Variants in SALL1 observed in about 807,000 individuals in gnomAD.
SALL1 encodes spalt like transcription factor 1.
SALL1 carries 10 observed loss-of-function variants against 73.1 expected under a neutral mutation model. The ratio of observed to expected loss-of-function variants is 0.14; its 90% CI spans 0.08 to 0.23. The LOEUF (loss-of-function observed/expected upper bound fraction) is 0.23. SALL1 is among the 10% of genes least tolerant of loss of function. The pLI, the probability that SALL1 is intolerant of heterozygous loss-of-function variation, is 1.00. For missense variants in SALL1, 1,520 were observed against 1,697.3 expected (o/e 0.90, Z 1.84); for synonymous variants, 688 against 689.8 (o/e 1.00, Z 0.04).
intron 2 of SALL1, among the ~76,000 whole-genome samples, chr16:51,138,101 C>A (rs552605836): frequency 7.6e-4 from 116 of 152,310 alleles, no homozygotes; most frequent in Non-Finnish European, 1.3e-3. Context: ...GAAAAATGTA[C>A]ACACTAAGAG....
intron 1 of SALL1, chr16:51,150,628 G>A: frequency 1.0e-6 from 1 of 963,630 alleles, no homozygotes; most frequent in East Asian, 1.1e-4. Context: ...GGCCGAGGGG[G>A]AGTGTGCGTG....
Position 51,137,118 on chromosome 16 carries a change from C to A in SALL1, c.3969G>T (p.Thr1323=), listed in dbSNP as rs1354509765. 1.2e-5 allele frequency: 19 copies of A among 1,614,156 alleles called. No homozygotes were observed. Among genetic ancestry groups the A allele is most frequent in the Non-Finnish European group, 1.6e-5 (19 of 1,180,028 alleles). Residue 1323 remains threonine, a synonymous_variant, in exon 3 of 3, where the codon ACG becomes ACT. Coordinates refer to ENST00000251020, the MANE Select transcript of SALL1 (RefSeq NM_002968.3). ...GTCTCCAGCCCGAGCTGCTTTAACT[C>A]GTGACGATCTCCTTGCTGTCCTCCA... The part of the protein sequence containing the change: ...RFVEDSKEIV[T]S
In SALL1 at chr16:51,140,718, T is replaced by C; in HGVS notation, c.1504A>G (p.Lys502Glu). ...GGGTTCATCTGGATATGAGGGTATT[T>C]CTCTTTGTGGCGCTGAAAGTGGACT... ...LKVHFQRHKE[K>E]YPHIQMNPYP... Residue 502 changes from lysine (K) to glutamate (E), a missense_variant, in exon 2 of 3, where the codon AAA becomes GAA. Lys to Glu is a moderately conservative substitution (Grantham distance 56). Transcript: ENST00000251020. This position sits in a 1 kb window ranked among gnomAD's most constrained non-coding sequence, Gnocchi z 5.7. The C allele has an allele frequency of 6.2e-7, 1 of 1,614,104 alleles. No individual in the cohort carries two copies. Among genetic ancestry groups the C allele is most frequent in the Non-Finnish European group, 8.5e-7 (1 of 1,180,020 alleles).
intron 1 of SALL1, among the ~76,000 whole-genome samples, chr16:51,144,212 A>G (rs992100828): frequency 6.6e-6 from 1 of 152,218 alleles, no homozygotes; most frequent in Non-Finnish European, 1.5e-5. Flanking sequence ...AATTCCTAAT[A>G]TATTCAACAG....
chr16:51,145,217 T>TACACAC lies in SALL1; in HGVS notation c.77-3078_77-3073dup, dbSNP rs3037183. On this transcript the variant is annotated intron_variant, in intron 1 of 2. Coordinates refer to ENST00000251020, the MANE Select transcript of SALL1 (RefSeq NM_002968.3). ...ACACATTCTCTCTCTCACACACACA[T>TACACAC]ACACACACACACACACACACACACA... Among the ~76,000 whole-genome samples, 68 of 149,970 alleles carry TACACAC rather than the reference T, an allele frequency of 4.5e-4. 1 individual carries two copies. Among genetic ancestry groups the TACACAC allele is most frequent in the African/African-American group, 6.8e-4 (28 of 40,924 alleles).
Position 51,140,919 on chromosome 16 carries a change from C to G in SALL1, c.1303G>C (p.Ala435Pro). The G allele has an allele frequency of 6.2e-7, 1 of 1,614,220 alleles. No homozygotes were observed. The highest frequency in any genetic ancestry group is 8.5e-7 in the Non-Finnish European group (1 of 1,180,048). Residue 435 changes from alanine (A) to proline (P), a missense_variant, in exon 2 of 3, where the codon GCC (alanine) becomes CCC (proline). By Grantham distance (27) the Ala-to-Pro change is conservative. Coordinates refer to ENST00000251020, the MANE Select transcript of SALL1 (RefSeq NM_002968.3). This position sits in a 1 kb window ranked among gnomAD's most constrained non-coding sequence, Gnocchi z 5.7. ...TCGGAAGTACTTTTCGCTTCAAAGG[C>G]AGTGACATTTGGTGGCTTGCTTTTT... ...QRKSKPPNVT[A>P]FEAKSTSDEA...
rs776395704 is a variant in SALL1, at chr16:51,141,780, C to A, written c.442G>T (p.Ala148Ser). Reference protein sequence around the residue: ...GTSSGSHSSTAPSSSSSSSSS... With the variant: ...GTSSGSHSSTSPSSSSSSSSS... ...CTGCTGCTGCTGCTGCTGCTTGGGG[C>A]GGTACTGCTGTGGCTGCCGCTGGAA... The change falls in exon 2 of 3, where the codon GCC becomes TCC. Residue 148 changes from alanine to serine, a missense_variant. Physicochemically the swap from Ala to Ser is moderately conservative, Grantham distance 99. Around this residue, in one of 7 missense-constraint regions of SALL1, gnomAD observed 540 missense variants for 567.5 expected, o/e 0.95. Coordinates refer to ENST00000251020, the MANE Select transcript of SALL1 (RefSeq NM_002968.3). The surrounding 1 kb of genome is among the most constrained non-coding windows in gnomAD (Gnocchi z 5.4). 1.2e-6 allele frequency: 2 copies of A among 1,609,318 alleles called. No individual in the cohort carries two copies. Among genetic ancestry groups the A allele is most frequent in the Admixed American group, 1.7e-5 (1 of 59,884 alleles).
At chr16:51,143,179 T>C (rs963462271) in intron 1 of SALL1, 2 of 183,302 alleles carry the variant, frequency 1.1e-5, no homozygotes, top group Non-Finnish European at 2.4e-5. Flanking sequence ...CTGTTATCAA[T>C]CGTTTAACAG....
At chr16:51,150,293 C>A in intron 1 of SALL1, 1 of 683,812 alleles carries the variant, frequency 1.5e-6, no homozygotes, top group Non-Finnish European at 1.8e-6. Flanking sequence ...GGCTGGCCAC[C>A]CGCAAACCTG....
chr16:51,150,952 T>A lies in SALL1; in HGVS notation c.76+214A>T. The A allele has an allele frequency of 7.3e-6, 3 of 412,358 alleles. No homozygotes were observed. The East Asian group carries it at 1.1e-4, about 15-fold the overall frequency. The allele number at this position is 412,358 out of a possible 1,614,324, so 25.5% of individuals were successfully genotyped here. A position where few individuals can be genotyped will look rare whatever the true frequency, so the allele number is the denominator to read the frequency against. On this transcript the variant is annotated intron_variant, in intron 1 of 2. Transcript: ENST00000251020. ...ACTCCGGAAAGATCCTGCCGGGAGA[T>A]GTGCTCGCTTTCCCCGGGGCAGCGG...
chr16:51,150,578 G>A (rs1962582980), intron 1 of SALL1: 1 of 985,996 alleles, frequency 1.0e-6, no homozygotes, highest in Non-Finnish European at 1.2e-6. Flanking sequence ...CCATCTTCTT[G>A]CAGCTCTGAA....
rs562199973 is a variant in SALL1 at position 51,136,063 on chromosome 16, T to C, written c.*1049A>G. ...ATCTCTGTTGTTAGTAAGTATTAAATGTTAAAGAAATTGGACCCCCCCTTT... is the reference window on the plus strand; with the variant it reads ...ATCTCTGTTGTTAGTAAGTATTAAACGTTAAAGAAATTGGACCCCCCCTTT... On this transcript the variant is annotated 3_prime_UTR_variant, in exon 3 of 3. Transcript: ENST00000251020. 1.3e-5 allele frequency: 2 copies of C among 152,782 alleles called. No homozygotes were observed. The highest frequency in any genetic ancestry group is 4.1e-4 in the South Asian group (2 of 4,824). 9.5% of individuals were successfully genotyped at this position (152,782 alleles called of 1,614,324 possible). A position where few individuals can be genotyped will look rare whatever the true frequency, so the allele number is the denominator to read the frequency against.
Position 51,141,231 on chromosome 16 carries a change from T to A in SALL1, c.991A>T (p.Ile331Phe), listed in dbSNP as rs775748701. ...GGAGAAGAGCCGCTGTTGGATGGAA[T>A]GATGGTGTTGCCAGAACTGCTCTGA... ...LPQSSSGNTI[I>F]PSNSGSSPNM... Residue 331 changes from isoleucine to phenylalanine, a missense_variant, in exon 2 of 3, where the codon ATT (isoleucine) becomes TTT (phenylalanine). Around this residue, in one of 7 missense-constraint regions of SALL1, gnomAD observed 540 missense variants for 567.5 expected, o/e 0.95. Transcript: ENST00000251020. This position sits in a 1 kb window ranked among gnomAD's most constrained non-coding sequence, Gnocchi z 5.4. 1 of 1,614,040 alleles carries A rather than the reference T, an allele frequency of 6.2e-7. No individual in the cohort carries two copies. Among genetic ancestry groups the A allele is most frequent in the African/African-American group, 1.3e-5 (1 of 74,896 alleles).
At chr16:51,150,429 C>G (rs959140275) in intron 1 of SALL1, 1 of 985,428 alleles carries the variant, frequency 1.0e-6, no homozygotes, top group Non-Finnish European at 1.2e-6. Flanking sequence ...GGAAGAGATG[C>G]GGAGATAAAT....
In SALL1 at chr16:51,137,067, G is replaced by A. The variant is rs774473806; in HGVS notation, c.*45C>T. The A allele has an allele frequency of 9.4e-6, 15 of 1,596,392 alleles. No homozygotes were observed. The highest frequency in any genetic ancestry group is 1.7e-4 in the Middle Eastern group (1 of 6,048). On this transcript the variant is annotated 3_prime_UTR_variant, in exon 3 of 3. Coordinates refer to ENST00000251020, the MANE Select transcript of SALL1 (RefSeq NM_002968.3). ...AAGGAGTAGGAGGCCACCATAGGTC[G>A]CATTCTGAACAGGAATGAATGCTAT...
Position 51,151,261 on chromosome 16 carries a change from G to T in SALL1, c.-20C>A. 6.5e-7 allele frequency: 1 copy of T among 1,536,476 alleles called. No homozygotes were observed. Among genetic ancestry groups the T allele is most frequent in the Non-Finnish European group, 8.8e-7 (1 of 1,137,678 alleles). On this transcript the variant is annotated 5_prime_UTR_variant, in exon 1 of 3. Coordinates refer to ENST00000251020, the MANE Select transcript of SALL1 (RefSeq NM_002968.3). ...CGACATGCTGGCTCAAACATCAGCT[G>T]GGGCAGAATAAAAAATTACTAAAAA... is the stretch of plus-strand genomic sequence containing the variant.
Position 51,141,246 on chromosome 16 carries a change from A to C in SALL1, c.976T>G (p.Ser326Ala), listed in dbSNP as rs184540221. The C allele has an allele frequency of 5.5e-5, 89 of 1,614,164 alleles. 1 individual carries two copies. In the African/African-American group the frequency reaches 1.1e-3, roughly 21 times the overall value. ...TTGGATGGAATGATGGTGTTGCCAG[A>C]ACTGCTCTGAGGTAGCTGGATTGGG... ...LPPIQLPQSSSGNTIIPSNSG... is the reference protein window; with the variant it reads ...LPPIQLPQSSAGNTIIPSNSG... The change falls in exon 2 of 3, where the codon TCT (serine) becomes GCT (alanine). Residue 326 changes from serine (S) to alanine (A), a missense_variant. Transcript: ENST00000251020. The surrounding 1 kb of genome is among the most constrained non-coding windows in gnomAD (Gnocchi z 5.4).
intron 1 of SALL1, among the ~76,000 whole-genome samples, chr16:51,147,885 A>G (rs1359484292): frequency 2.0e-5 from 3 of 152,092 alleles, no homozygotes; most frequent in Admixed American, 1.3e-4. Context: ...ATATAAAATC[A>G]TTAGATTGTA....
At chr16:51,148,399 T>C (rs976292256) in intron 1 of SALL1, among the ~76,000 whole-genome samples, 6 of 152,266 alleles carry the variant, frequency 3.9e-5, no homozygotes, top group African/African-American at 1.4e-4. Context: ...GTGCATGAAC[T>C]AGATTTAATT....
Sources: allele counts gnomAD v4.1 joint callset (sites outside exome capture counted in the v4.1 genomes callset), GRCh38; gene constraint gnomAD v4.1.1; regional missense constraint gnomAD v4.1.1; non-coding constraint Gnocchi (gnomAD v3.1); transcripts MANE v1.5; gene names NCBI Gene and HGNC (gene_info 2026-07-23, HGNC 2026-07-21).